CNTNAP2: variants seen among roughly 807,000 people sequenced by gnomAD.
The protein encoded by CNTNAP2 is contactin-associated protein-like 2.
Under a neutral mutation model 155.2 loss-of-function variants are expected in CNTNAP2, and 98 were observed. The ratio of observed to expected loss-of-function variants is 0.63; its 90% CI spans 0.54 to 0.75. The LOEUF is 0.75. Among genes scored for constraint, CNTNAP2 ranks in the 30% least tolerant of loss-of-function variants. The probability of loss-of-function intolerance (pLI) is 0.00; values close to 1 mark genes in which losing one functional copy is unlikely to be tolerated. For missense variants in CNTNAP2, 1,727 were observed against 1,688.1 expected (o/e 1.02, Z -0.40); for synonymous variants, 651 against 631.2 (o/e 1.03, Z -0.47).
chr7:148,300,086 A>G (rs1406895353), intron 21 of CNTNAP2, among the ~76,000 whole-genome samples: 1 of 152,230 alleles, frequency 6.6e-6, no homozygotes, highest in Non-Finnish European at 1.5e-5. Context: ...GAAAGGGCGT[A>G]TGGAAATGGA....
chr7:146,621,791 C>G (rs1380120435), intron 1 of CNTNAP2, among the ~76,000 whole-genome samples: 1 of 152,140 alleles, frequency 6.6e-6, no homozygotes, highest in Non-Finnish European at 1.5e-5. Context: ...AAGGAAGTCC[C>G]TATGTGCAGT....
chr7:147,279,287 A>G lies in CNTNAP2; in HGVS notation c.1349-20854A>G, dbSNP rs545690455. ...TAAAATATAATGCTATAATTTCTTG[A>G]TCAGGCTAATGGTGAGACGATTATT... On this transcript the variant is annotated intron_variant, in intron 8 of 23. Coordinates refer to ENST00000361727, the MANE Select transcript of CNTNAP2 (RefSeq NM_014141.6). Among the ~76,000 whole-genome samples, 34 of 151,884 alleles carry G rather than the reference A, an allele frequency of 2.2e-4. 1 individual carries two copies. The highest frequency in any genetic ancestry group is 8.2e-4 in the African/African-American group (34 of 41,530).
At chr7:148,228,838 A>AAAAAAC (rs1795906923) in intron 19 of CNTNAP2, among the ~76,000 whole-genome samples, 1 of 151,758 alleles carries the variant, frequency 6.6e-6, no homozygotes. Flanking sequence ...AAAAAAAAAA[A>AAAAAAC]AAAAACTATG....
At chr7:147,019,704 T>A (rs1045712539) in intron 3 of CNTNAP2, among the ~76,000 whole-genome samples, 1 of 152,106 alleles carries the variant, frequency 6.6e-6, no homozygotes, top group African/African-American at 2.4e-5. Context: ...TAGTCCCTAG[T>A]CAACATGGTT....
In CNTNAP2 at chr7:146,906,729, C is replaced by T. The variant is rs184437695; in HGVS notation, c.402+66825C>T. ...AAACAGAACAGAAAAACTGGAAACT[C>T]TAAAACGCAGAACACCTCTCCTCCT... On this transcript the variant is annotated intron_variant, in intron 3 of 23. Transcript: ENST00000361727. 5.9e-5 allele frequency among the ~76,000 whole-genome samples: 9 copies of T among 152,290 alleles called. No homozygotes were observed. The East Asian group carries it at 1.5e-3, about 26-fold the overall frequency.
chr7:148,330,344 G>A (rs1334132443), intron 21 of CNTNAP2, among the ~76,000 whole-genome samples: 1 of 151,644 alleles, frequency 6.6e-6, no homozygotes, highest in Non-Finnish European at 1.5e-5. Context: ...TGGAATGGAT[G>A]GATGGAGTGG....
chr7:146,167,168 C>T (rs1402517946), intron 1 of CNTNAP2, among the ~76,000 whole-genome samples: 1 of 152,206 alleles, frequency 6.6e-6, no homozygotes, highest in Non-Finnish European at 1.5e-5. Context: ...TCAACAGACC[C>T]TGTAACCAAA....
intron 9 of CNTNAP2, among the ~76,000 whole-genome samples, chr7:147,367,054 C>T (rs1796244358): frequency 6.6e-6 from 1 of 152,110 alleles, no homozygotes; most frequent in African/African-American, 2.4e-5. Context: ...ATTTAGTTCA[C>T]AACCAGCCTG....
chr7:146,119,922 C>A (rs1350043606), intron 1 of CNTNAP2, among the ~76,000 whole-genome samples: 1 of 151,448 alleles, frequency 6.6e-6, no homozygotes, highest in African/African-American at 2.4e-5. Flanking sequence ...TTTATAAAAA[C>A]ATTTGAATAC....
chr7:148,119,468 G>A (rs759837463), intron 16 of CNTNAP2, among the ~76,000 whole-genome samples: 12 of 152,136 alleles, frequency 7.9e-5, no homozygotes, highest in South Asian at 2.1e-4. Context: ...CCCGGGAGGC[G>A]GAGCTTGCAG....
intron 18 of CNTNAP2, among the ~76,000 whole-genome samples, chr7:148,181,843 C>T (rs1795043028): frequency 6.9e-6 from 1 of 144,936 alleles, no homozygotes; most frequent in Non-Finnish European, 1.5e-5. Flanking sequence ...CTGCAAGCTC[C>T]AACTCCCGGG....
intron 1 of CNTNAP2, among the ~76,000 whole-genome samples, chr7:146,427,117 G>A (rs1314524457): frequency 1.3e-5 from 2 of 151,930 alleles, no homozygotes; most frequent in Non-Finnish European, 2.9e-5. Context: ...CAGAAAAAAA[G>A]CAAACCTCCC....
At chr7:148,402,554 A>G (rs1799612105) in intron 22 of CNTNAP2, among the ~76,000 whole-genome samples, 2 of 152,202 alleles carry the variant, frequency 1.3e-5, no homozygotes, top group Non-Finnish European at 2.9e-5. Context: ...CAGAAATATC[A>G]ATAGTGAATG....
intron 11 of CNTNAP2, among the ~76,000 whole-genome samples, chr7:147,514,385 G>A (rs1253270043): frequency 6.6e-6 from 1 of 151,496 alleles, no homozygotes; most frequent in Non-Finnish European, 1.5e-5. Flanking sequence ...ATATTTAAAT[G>A]TGTATGCATT....
intron 13 of CNTNAP2, chr7:147,643,428 G>A (rs1490269536): frequency 6.6e-6 from 1 of 152,156 alleles, no homozygotes; most frequent in Non-Finnish European, 1.5e-5. Context: ...GAAAAGGAGT[G>A]GTTGAGACAG....
At chr7:146,502,081 G>T (rs992942466) in intron 1 of CNTNAP2, among the ~76,000 whole-genome samples, 1 of 151,664 alleles carries the variant, frequency 6.6e-6, no homozygotes, top group Non-Finnish European at 1.5e-5. Context: ...CATTATATAT[G>T]AGTGAGAACA....
intron 1 of CNTNAP2, among the ~76,000 whole-genome samples, chr7:146,355,124 A>G (rs573706373): frequency 9.8e-5 from 15 of 152,304 alleles, no homozygotes; most frequent in Admixed American, 2.0e-4. Flanking sequence ...TTTTGTTCCA[A>G]TTGCATACAC....
chr7:146,978,915 T>C (rs879828525), intron 3 of CNTNAP2, among the ~76,000 whole-genome samples: 1 of 152,118 alleles, frequency 6.6e-6, no homozygotes, highest in Admixed American at 6.6e-5. Context: ...TAAAATTTTG[T>C]TACAGTTAAA....
chr7:147,771,130 T>C (rs1452084310), intron 13 of CNTNAP2, among the ~76,000 whole-genome samples: 1 of 152,166 alleles, frequency 6.6e-6, no homozygotes, highest in African/African-American at 2.4e-5. Context: ...TAAATGAGGC[T>C]GAGATGAATC....
Sources: allele counts gnomAD v4.1 joint callset (sites outside exome capture counted in the v4.1 genomes callset), GRCh38; gene constraint gnomAD v4.1.1; transcripts MANE v1.5; gene names NCBI Gene and HGNC (gene_info 2026-07-23, HGNC 2026-07-21).